NRG1: variants seen among roughly 807,000 people sequenced by gnomAD.
NRG1 encodes neuregulin 1, also known as pro-neuregulin-1, membrane-bound isoform.
A neutral mutation model predicts 63.8 loss-of-function variants in NRG1; 18 were observed. That is an observed-to-expected ratio of 0.28 (90% confidence interval 0.19 to 0.42). The LOEUF is 0.42. Ranked by LOEUF, NRG1 falls within the 10% of genes least tolerant of loss-of-function variation. NRG1 has a pLI of 1.00. For missense variants in NRG1, 762 were observed against 814.7 expected, an observed-to-expected ratio of 0.94 and a Z score of 0.79; for synonymous variants, 302 against 301.3, an observed-to-expected ratio of 1.00 and a Z score of -0.02.
At chr8:31,831,392 C>T (rs887437426) in intron 1 of NRG1, among the ~76,000 whole-genome samples, 12 of 152,116 alleles carry the variant, frequency 7.9e-5, no homozygotes, top group African/African-American at 2.4e-4. Flanking sequence ...TATGAGCCAC[C>T]GTGCCCAGCC....
intron 1 of NRG1, among the ~76,000 whole-genome samples, chr8:32,445,840 A>C (rs1238689704): frequency 1.3e-5 from 2 of 152,146 alleles, no homozygotes; most frequent in East Asian, 3.9e-4. Flanking sequence ...GGCTCTAAGC[A>C]CCTGAAGATC....
intron 1 of NRG1, among the ~76,000 whole-genome samples, chr8:32,267,309 T>C (rs1470304263): frequency 6.6e-6 from 1 of 152,122 alleles, no homozygotes; most frequent in Admixed American, 6.5e-5. Flanking sequence ...AAAGATAATG[T>C]AGTGCGAGCA....
chr8:32,144,843 A>T (rs1836694557), intron 1 of NRG1, among the ~76,000 whole-genome samples: 1 of 152,018 alleles, frequency 6.6e-6, no homozygotes, highest in Admixed American at 6.6e-5. Flanking sequence ...TGTTTCCTTT[A>T]CTCAGTTCTA....
intron 1 of NRG1, among the ~76,000 whole-genome samples, chr8:31,948,653 G>A (rs405392): frequency 1 from 152,320 of 152,326 alleles, 76,157 homozygotes; most frequent in Middle Eastern, 1. Flanking sequence ...CTCTTTATCC[G>A]ATTTCCTGTG....
chr8:31,845,528 G>A (rs1275578225), intron 1 of NRG1, among the ~76,000 whole-genome samples: 1 of 152,104 alleles, frequency 6.6e-6, no homozygotes, highest in Non-Finnish European at 1.5e-5. Flanking sequence ...GCCTGGTTTT[G>A]AATGAAGGTG....
At chr8:32,729,302 T>C (rs1823049818) in intron 6 of NRG1, among the ~76,000 whole-genome samples, 1 of 152,236 alleles carries the variant, frequency 6.6e-6, no homozygotes. Flanking sequence ...ATATATTTAA[T>C]ATTTTATTGA....
Position 32,684,673 on chromosome 8 carries a change from C to T in NRG1, c.503-43276C>T, listed in dbSNP as rs28500487. The stretch of plus-strand genomic sequence containing the variant: ...GTTTCCTCAAATATTTATGGGGGAA[C>T]CTTTCTACTTCTCAAATTTGAACAG... On this transcript the variant is annotated intron_variant, in intron 5 of 11. Coordinates refer to ENST00000356819, the Ensembl canonical transcript of NRG1. Among the ~76,000 whole-genome samples, 11 of 151,960 alleles carry T rather than the reference C, an allele frequency of 7.2e-5. No homozygotes were observed. In the South Asian group the frequency reaches 1.2e-3, roughly 17 times the overall value.
rs117063999 is a variant in NRG1, at chr8:31,714,664, C to T, written c.37+75233C>T. On this transcript the variant is annotated intron_variant, in intron 1 of 10. Transcript: ENST00000519301. ...CACTTTGCTTCCTGAGATAAATCAT[C>T]TATATGCATCTATCCATGTATCTAT... Among the ~76,000 whole-genome samples, 626 of 152,236 alleles carry T rather than the reference C, an allele frequency of 4.1e-3. 2 individuals are homozygous for T. Among genetic ancestry groups the T allele is most frequent in the South Asian group, 0.027 (129 of 4,814 alleles).
At chr8:32,659,466 C>T (rs1176664618) in intron 5 of NRG1, among the ~76,000 whole-genome samples, 1 of 152,106 alleles carries the variant, frequency 6.6e-6, no homozygotes, top group Admixed American at 6.6e-5. Flanking sequence ...ATCTTTAGAC[C>T]TTGATCATGC....
chr8:31,704,830 T>TAAA (rs373101607), intron 1 of NRG1, among the ~76,000 whole-genome samples: 5 of 118,806 alleles, frequency 4.2e-5, no homozygotes, highest in East Asian at 5.1e-4. Context: ...AGACTCCGTC[T>TAAA]AAAAAAAAAA....
intron 1 of NRG1, among the ~76,000 whole-genome samples, chr8:32,210,491 C>T (rs191400474): frequency 1.1e-3 from 160 of 152,324 alleles, no homozygotes; most frequent in Non-Finnish European, 2.0e-3. Flanking sequence ...CTGGACCACA[C>T]TTTGAGAACC....
chr8:32,230,824 G>T (rs1183515232), intron 1 of NRG1, among the ~76,000 whole-genome samples: 1 of 151,628 alleles, frequency 6.6e-6, no homozygotes, highest in Non-Finnish European at 1.5e-5. Context: ...TCTTATCGGG[G>T]CAATTGGGGT....
At chr8:31,825,918 C>T (rs189557181) in intron 1 of NRG1, among the ~76,000 whole-genome samples, 17 of 152,220 alleles carry the variant, frequency 1.1e-4, no homozygotes, top group South Asian at 8.3e-4. Context: ...AGCTACATTG[C>T]GGAGACAGGG....
intron 1 of NRG1, among the ~76,000 whole-genome samples, chr8:31,913,359 T>C (rs768435734): frequency 1.1e-4 from 16 of 152,220 alleles, no homozygotes; most frequent in Non-Finnish European, 2.2e-4. Context: ...CCACATGCCA[T>C]ATGCCATATT....
intron 1 of NRG1, among the ~76,000 whole-genome samples, chr8:32,322,477 A>G (rs1801523714): frequency 6.6e-6 from 1 of 152,014 alleles, no homozygotes; most frequent in South Asian, 2.1e-4. Flanking sequence ...GAATAGAAGG[A>G]TTTTTAAACA....
chr8:31,934,428 T>C (rs1835128066), intron 1 of NRG1, among the ~76,000 whole-genome samples: 1 of 146,454 alleles, frequency 6.8e-6, no homozygotes, highest in Non-Finnish European at 1.5e-5. Flanking sequence ...CTCTTTTTTT[T>C]TTTTTTTTTT....
rs140545576 is a variant in NRG1 at position 32,156,281 on chromosome 8, A to G, written c.38-439547A>G. Reference sequence around the variant, plus strand: ...TTCTTCTGGTTTTGTACTGATGGTCATGTTCTCAGAGCAGCCTTCTCAGCC... The same window carrying G: ...TTCTTCTGGTTTTGTACTGATGGTCGTGTTCTCAGAGCAGCCTTCTCAGCC... On this transcript the variant is annotated intron_variant, in intron 1 of 10. Coordinates refer to the NRG1 transcript ENST00000519301. 2.2e-3 allele frequency among the ~76,000 whole-genome samples: 329 copies of G among 152,278 alleles called. 2 individuals carry two copies. Among genetic ancestry groups the G allele is most frequent in the East Asian group, 0.015 (78 of 5,180 alleles).
Position 31,729,457 on chromosome 8 carries a change from G to T in NRG1, c.37+90026G>T, listed in dbSNP as rs866256893. Among the ~76,000 whole-genome samples, 49 of 152,168 alleles carry T rather than the reference G, an allele frequency of 3.2e-4. 1 individual carries two copies. The highest frequency in any genetic ancestry group is 1.0e-3 in the African/African-American group (43 of 41,552). On this transcript the variant is annotated intron_variant, in intron 1 of 10. Coordinates refer to the NRG1 transcript ENST00000519301. ...TCACAAAAATTTACAATTGGAAAAT[G>T]ATTTGTAAGTTAATAAAATTACCTA...
chr8:32,403,992 A>G (rs1813590760), intron 1 of NRG1, among the ~76,000 whole-genome samples: 1 of 152,184 alleles, frequency 6.6e-6, no homozygotes, highest in African/African-American at 2.4e-5. Flanking sequence ...ACAAATGTTC[A>G]CCTACTATAT....
Sources: gnomAD v4.1 joint callset for allele counts (sites outside exome capture counted in the v4.1 genomes callset) on GRCh38, gnomAD v4.1.1 for gene constraint, MANE v1.5 for transcripts, NCBI Gene and HGNC (gene_info 2026-07-23, HGNC 2026-07-21) for gene names.